Variants in CDH12 observed in about 807,000 individuals in gnomAD.
CDH12 encodes the protein cadherin-12.
CDH12 carries 41 observed loss-of-function variants against 74.1 expected under a neutral mutation model. That is an observed-to-expected ratio of 0.55 (90% CI 0.43 to 0.72). The LOEUF is 0.72. Among genes scored for constraint, CDH12 ranks in the 30% least tolerant of loss-of-function variants. CDH12 has a pLI of 0.00. For missense variants in CDH12, 945 were observed against 977.2 expected, an observed-to-expected ratio of 0.97 and a Z score of 0.44; for synonymous variants, 399 against 355.0, an observed-to-expected ratio of 1.12 and a Z score of -1.39.
intron 2 of CDH12, among the ~76,000 whole-genome samples, chr5:22,460,421 A>G (rs1463283463): frequency 6.6e-6 from 1 of 152,154 alleles, no homozygotes; most frequent in Non-Finnish European, 1.5e-5. Flanking sequence ...AATAAAAAGC[A>G]TGTTTCTGTT....
intron 5 of CDH12, among the ~76,000 whole-genome samples, chr5:21,982,315 C>G (rs577658016): frequency 1.3e-5 from 2 of 152,072 alleles, no homozygotes; most frequent in South Asian, 2.1e-4. Flanking sequence ...GGGTCTTGAG[C>G]CTGCCCGTCT....
At chr5:22,741,279 T>C (rs766671340) in intron 1 of CDH12, among the ~76,000 whole-genome samples, 7 of 152,338 alleles carry the variant, frequency 4.6e-5, no homozygotes, top group East Asian at 1.9e-4. Context: ...TTTGAAAATC[T>C]GTGATGAACA....
At chr5:22,667,042 G>T (rs1221492024) in intron 1 of CDH12, among the ~76,000 whole-genome samples, 2 of 152,084 alleles carry the variant, frequency 1.3e-5, no homozygotes, top group Non-Finnish European at 2.9e-5. Context: ...CCTATATCAG[G>T]ATCCTTGCAC....
intron 1 of CDH12, among the ~76,000 whole-genome samples, chr5:22,694,254 A>C (rs1742235858): frequency 6.6e-6 from 1 of 152,338 alleles, no homozygotes; most frequent in South Asian, 2.1e-4. Context: ...AAACACTCTT[A>C]AATCATCAAC....
chr5:22,727,546 T>C (rs971408752), intron 1 of CDH12, among the ~76,000 whole-genome samples: 1 of 151,758 alleles, frequency 6.6e-6, no homozygotes, highest in South Asian at 2.1e-4. Context: ...TAGATTTGCA[T>C]ATTTAGCATT....
intron 1 of CDH12, among the ~76,000 whole-genome samples, chr5:22,562,173 C>T (rs1353111958): frequency 6.6e-6 from 1 of 151,888 alleles, no homozygotes; most frequent in African/African-American, 2.4e-5. Context: ...AAAAATTAGC[C>T]GGGCGTAGTG....
intron 3 of CDH12, among the ~76,000 whole-genome samples, chr5:22,378,000 A>T (rs1347557148): frequency 6.6e-6 from 1 of 152,206 alleles, no homozygotes; most frequent in Admixed American, 6.5e-5. Flanking sequence ...TTTTCAGGTT[A>T]TAACTTTTTT....
intron 8 of CDH12, among the ~76,000 whole-genome samples, chr5:21,822,777 C>T (rs1748445036): frequency 6.6e-6 from 1 of 152,066 alleles, no homozygotes; most frequent in Admixed American, 6.6e-5. Context: ...TCGATTTTAA[C>T]TAACCATATA....
intron 6 of CDH12, among the ~76,000 whole-genome samples, chr5:21,949,846 T>TA: frequency 6.6e-6 from 1 of 152,134 alleles, no homozygotes; most frequent in East Asian, 1.9e-4. Flanking sequence ...GTTTATAAAG[T>TA]AAAAAAGTTA....
chr5:22,498,901 C>CTTTTTTTTTTTTTTTTTTTT (rs34550762), intron 2 of CDH12, among the ~76,000 whole-genome samples: 34 of 73,406 alleles, frequency 4.6e-4, no homozygotes, highest in Middle Eastern at 9.4e-3. Context: ...TTTTCTGTTT[C>CTTTTTTTTTTTTTTTTTTTT]TTTTTTTTTT....
At chr5:22,329,778 G>A (rs768386733) in intron 3 of CDH12, among the ~76,000 whole-genome samples, 22 of 152,166 alleles carry the variant, frequency 1.4e-4, no homozygotes, top group African/African-American at 4.6e-4. Flanking sequence ...CTCAGCCAGC[G>A]CCCACACATG....
intron 3 of CDH12, among the ~76,000 whole-genome samples, chr5:22,390,595 T>TAGAC (rs930999427): frequency 3.3e-5 from 5 of 151,808 alleles, no homozygotes; most frequent in Non-Finnish European, 5.9e-5. Context: ...GATAGATAGA[T>TAGAC]AGATAGATAG....
intron 6 of CDH12, among the ~76,000 whole-genome samples, chr5:21,869,633 G>A (rs1355064781): frequency 1.3e-5 from 2 of 152,002 alleles, no homozygotes; most frequent in African/African-American, 4.8e-5. Context: ...TAAGTTATGG[G>A]ACATTAGGCA....
intron 1 of CDH12, among the ~76,000 whole-genome samples, chr5:22,706,484 T>C (rs555053361): frequency 1.4e-4 from 22 of 152,184 alleles, no homozygotes; most frequent in African/African-American, 5.3e-4. Context: ...GTATGTTACA[T>C]TTATTTTTAT....
chr5:22,236,961 C>T (rs894788222), intron 3 of CDH12, among the ~76,000 whole-genome samples: 9 of 150,446 alleles, frequency 6.0e-5, no homozygotes, highest in East Asian at 3.9e-4. Context: ...TTTTATGGCT[C>T]TTTTTTTTTA....
At chr5:22,178,484 CT>C (rs571537840) in intron 4 of CDH12, among the ~76,000 whole-genome samples, 548 of 152,254 alleles carry the variant, frequency 3.6e-3, no homozygotes, top group Non-Finnish European at 6.5e-3. Context: ...ATGAACATCT[CT>C]TTATGCAACA....
chr5:22,639,853 AAC>A (rs1739053419), intron 1 of CDH12, among the ~76,000 whole-genome samples: 1 of 152,164 alleles, frequency 6.6e-6, no homozygotes, highest in Admixed American at 6.5e-5. Context: ...GAGTGCTCAA[AAC>A]ACATACTGTT....
At chr5:22,031,106 G>A (rs977677464) in intron 5 of CDH12, among the ~76,000 whole-genome samples, 4 of 152,208 alleles carry the variant, frequency 2.6e-5, no homozygotes, top group South Asian at 2.1e-4. Context: ...AGGCCAAGGC[G>A]GGTGGATCAC....
intron 1 of CDH12, among the ~76,000 whole-genome samples, chr5:22,601,064 G>C (rs1237228740): frequency 6.6e-6 from 1 of 151,912 alleles, no homozygotes; most frequent in Non-Finnish European, 1.5e-5. Flanking sequence ...AAATTTTTAT[G>C]GGCAGATATT....
Sources: allele counts gnomAD v4.1 joint callset (sites outside exome capture counted in the v4.1 genomes callset), GRCh38; gene constraint gnomAD v4.1.1; transcripts MANE v1.5; gene names NCBI Gene and HGNC (gene_info 2026-07-23, HGNC 2026-07-21).